Variants in NPHP3 observed in about 807,000 individuals in gnomAD.
NPHP3 encodes the protein nephrocystin-3.
NPHP3 carries 123 observed loss-of-function variants against 171.9 expected under a neutral mutation model. The ratio of observed to expected loss-of-function variants is 0.72; its 90% CI spans 0.62 to 0.83. The LOEUF (loss-of-function observed/expected upper bound fraction) is 0.83, where lower values mean the gene tolerates loss of function less well. Among genes scored for constraint, NPHP3 ranks in the 40% least tolerant of loss-of-function variants. The probability of loss-of-function intolerance (pLI) is 0.00; values close to 1 mark genes in which losing one functional copy is unlikely to be tolerated. For synonymous variants in NPHP3, 558 were observed against 579.2 expected, an observed-to-expected ratio of 0.96 and a Z score of 0.52; for missense variants, 1,506 against 1,591.9, an observed-to-expected ratio of 0.95 and a Z score of 0.92.
intron 9 of NPHP3, among the ~76,000 whole-genome samples, chr3:132,702,007 C>A (rs865924920): frequency 3.3e-5 from 5 of 152,090 alleles, no homozygotes; most frequent in Admixed American, 2.0e-4. Context: ...GCCTGGGCGA[C>A]AGAGCAAGAC....
In NPHP3 at chr3:132,704,304, T is replaced by C. The variant is rs763286275; in HGVS notation, c.1418A>G (p.Glu473Gly). 1.9e-6 allele frequency: 3 copies of C among 1,614,090 alleles called. No homozygotes were observed. The highest frequency in any genetic ancestry group is 2.7e-5 in the African/African-American group (2 of 74,936). The change falls in exon 9 of 27, where the codon GAA becomes GGA. Residue 473 changes from glutamate (E) to glycine (G), a missense_variant. This residue lies in a region of NPHP3 where 930 missense variants were observed against 924.9 expected (regional missense o/e 1.01). Transcript: ENST00000337331. ...CAGAACATCACCAAAATCATCTTCT[T>C]CTGGAATGGAATCCTCACTGCCCAA... The part of the protein sequence containing the change: ...KDLGSEDSIP[E>G]EDDFGDVLWD...
intron 23 of NPHP3, 67 bp from the exon 24 acceptor site, chr3:132,684,861 A>T: frequency 6.4e-7 from 1 of 1,559,766 alleles, no homozygotes; most frequent in Non-Finnish European, 8.8e-7. Flanking sequence ...TGACCCCTAA[A>T]TTAAGTGGAG....
intron 4 of NPHP3, 128 bp from the exon 5 acceptor site, chr3:132,715,346 C>A: frequency 1.3e-6 from 1 of 742,608 alleles, no homozygotes; most frequent in Non-Finnish European, 2.4e-6. Flanking sequence ...ACTGCCATAC[C>A]TTCTAGAGTA....
In NPHP3 at chr3:132,704,599, A is replaced by C. The variant is rs73863711; in HGVS notation, c.1351-228T>G. On this transcript the variant is annotated intron_variant, in intron 8 of 26. Transcript: ENST00000337331. Reference sequence around the variant, plus strand: ...ATAGAAATGAATACCTCTTTTTATAAAAATAAAATTAAAGGAATATTTGAA... The same window carrying C: ...ATAGAAATGAATACCTCTTTTTATACAAATAAAATTAAAGGAATATTTGAA... Among the ~76,000 whole-genome samples, 2,612 of 152,334 alleles carry C rather than the reference A, an allele frequency of 0.017. 53 individuals are homozygous for C. Among genetic ancestry groups the C allele is most frequent in the African/African-American group, 0.056 (2,338 of 41,576 alleles).
At chr3:132,705,963 G>A in intron 7 of NPHP3, 149 bp from the exon 8 acceptor site, 1 of 551,318 alleles carries the variant, frequency 1.8e-6, no homozygotes, top group South Asian at 2.3e-5. Context: ...CCTTAGGAGG[G>A]AGATACTATT....
intron 12 of NPHP3, among the ~76,000 whole-genome samples, 156 bp downstream of exon 12, chr3:132,699,761 AT>A (rs1939557512): frequency 6.6e-6 from 1 of 152,036 alleles, no homozygotes; most frequent in Admixed American, 6.6e-5. Flanking sequence ...CATACGATAT[AT>A]TTTTTTAATC....
Position 132,704,391 on chromosome 3 carries a change from A to C in NPHP3, c.1351-20T>G, listed in dbSNP as rs1017782393. 7 of 1,613,988 alleles carry C rather than the reference A, an allele frequency of 4.3e-6. No homozygotes were observed. The highest frequency in any genetic ancestry group is 5.9e-6 in the Non-Finnish European group (7 of 1,179,846). ...TATGTCCTAAACACAAAGAACAACC[A>C]CACAAAAATGAATGAAGAAAATAAA... On this transcript the variant is annotated intron_variant, in intron 8 of 26. Coordinates refer to ENST00000337331, the MANE Select transcript of NPHP3 (RefSeq NM_153240.5).
chr3:132,709,082 T>C (rs1939834558), intron 6 of NPHP3, among the ~76,000 whole-genome samples: 1 of 151,974 alleles, frequency 6.6e-6, no homozygotes, highest in Non-Finnish European at 1.5e-5. Flanking sequence ...ACCCAATATA[T>C]ACTACAGGAA....
Position 132,713,282 on chromosome 3 carries a change from T to C in NPHP3, c.962A>G (p.Tyr321Cys). The stretch of plus-strand genomic sequence containing the variant: ...GCACATTCTCTTAAGTTTAGGTGAA[T>C]AGTCCTAAAAACAAATGAAAACATA... ...QPEMDLFLKDYSPKLKRMCET... is the reference protein window; with the variant it reads ...QPEMDLFLKDCSPKLKRMCET... The change falls in exon 6 of 27, where the codon TAT (tyrosine) becomes TGT (cysteine). Residue 321 changes from tyrosine to cysteine, a missense_variant. Coordinates refer to ENST00000337331, the MANE Select transcript of NPHP3 (RefSeq NM_153240.5). 1.3e-6 allele frequency: 2 copies of C among 1,594,870 alleles called. No homozygotes were observed. The highest frequency in any genetic ancestry group is 1.7e-6 in the Non-Finnish European group (2 of 1,169,634).
intron 6 of NPHP3, among the ~76,000 whole-genome samples, chr3:132,711,099 G>A (rs1939897208): frequency 6.6e-6 from 1 of 152,192 alleles, no homozygotes; most frequent in African/African-American, 2.4e-5. Context: ...TCCCCATGGA[G>A]CTTCCAAGCT....
chr3:132,696,596 A>G lies in NPHP3; in HGVS notation c.2171+135T>C. 3 of 771,692 alleles carry G rather than the reference A, an allele frequency of 3.9e-6. No homozygotes were observed. The South Asian group carries it at 4.2e-5, about 11-fold the overall frequency. 47.8% of individuals were successfully genotyped at this position (771,692 alleles called of 1,614,324 possible). On this transcript the variant is annotated intron_variant, in intron 15 of 26. Transcript: ENST00000337331. ...TGTAAGCCATGTTCTCACAAATGTT[A>G]GTATCACTATTCAAATAAAATCTGA...
intron 7 of NPHP3, among the ~76,000 whole-genome samples, chr3:132,706,222 G>C (rs1224451914): frequency 3.9e-5 from 6 of 152,114 alleles, no homozygotes; most frequent in Admixed American, 2.0e-4. Context: ...AGCCGGGCGT[G>C]GTGGCCGGTG....
chr3:132,716,133 T>C (rs2107999404), intron 4 of NPHP3, among the ~76,000 whole-genome samples: 1 of 152,342 alleles, frequency 6.6e-6, no homozygotes, highest in East Asian at 1.9e-4. Context: ...AAGACAATTC[T>C]TCTTTCAATG....
Position 132,699,981 on chromosome 3 carries a change from T to C in NPHP3, c.1824A>G (p.Glu608=), listed in dbSNP as rs762148127. ...KLLEEFPRWL[E]KLSARHQGSI... The stretch of plus-strand genomic sequence containing the variant: ...TGCCTTGATGACGAGCAGAGAGTTT[T>C]TCCAGCCAACGTGGAAATTCTTCCA... Residue 608 remains glutamate, a synonymous_variant, in exon 12 of 27, where the codon GAA becomes GAG. Coordinates refer to ENST00000337331, the MANE Select transcript of NPHP3 (RefSeq NM_153240.5). 6.2e-7 allele frequency: 1 copy of C among 1,614,056 alleles called. No homozygotes were observed. The highest frequency in any genetic ancestry group is 1.3e-5 in the African/African-American group (1 of 74,924).
intron 13 of NPHP3, among the ~76,000 whole-genome samples, chr3:132,698,984 C>T (rs1469180993): frequency 1.3e-5 from 2 of 152,140 alleles, no homozygotes; most frequent in Non-Finnish European, 2.9e-5. Context: ...CCTCTGCCTC[C>T]CAGGTTCAAG....
chr3:132,716,817 C>T lies in NPHP3; in HGVS notation c.763G>A (p.Gly255Ser), dbSNP rs1056965259. 10 of 1,614,046 alleles carry T rather than the reference C, an allele frequency of 6.2e-6. No homozygotes were observed. Among genetic ancestry groups the T allele is most frequent in the Non-Finnish European group, 8.5e-6 (10 of 1,180,012 alleles). The change falls in exon 4 of 27, where the codon GGC becomes AGC. Residue 255 changes from glycine to serine, a missense_variant. This residue lies in a region of NPHP3 where 930 missense variants were observed against 924.9 expected (regional missense o/e 1.01). Transcript: ENST00000337331. ...ATAGAACTATGGGCAAACTCAGGGC[C>T]TCTGAAGGACTGCTGAAGCTGGATC... is the stretch of plus-strand genomic sequence containing the variant. ...SMIQLQQSFRGPEFAHSSIDV... is the reference protein window; with the variant it reads ...SMIQLQQSFRSPEFAHSSIDV...
chr3:132,698,415 T>C (rs1404330903), intron 13 of NPHP3, among the ~76,000 whole-genome samples: 3 of 151,904 alleles, frequency 2.0e-5, no homozygotes, highest in Non-Finnish European at 2.9e-5. Flanking sequence ...GTAGATGGGA[T>C]TACAAGCACC....
At chr3:132,683,564 A>G (rs1379413821) in intron 24 of NPHP3, 40 bp from the exon 25 acceptor site, 9 of 1,527,148 alleles carry the variant, frequency 5.9e-6, no homozygotes, top group Non-Finnish European at 8.2e-6. Flanking sequence ...ATATAAGGCA[A>G]TAAATACTAT....
intron 5 of NPHP3, among the ~76,000 whole-genome samples, chr3:132,714,487 T>C (rs533213509): frequency 6.6e-6 from 1 of 151,868 alleles, no homozygotes; most frequent in Non-Finnish European, 1.5e-5. Context: ...GTCTTAAACA[T>C]TGTGGAGAAT....
Sources: gnomAD v4.1 joint callset for allele counts (sites outside exome capture counted in the v4.1 genomes callset) on GRCh38, gnomAD v4.1.1 for gene constraint, gnomAD v4.1.1 regional missense constraint, MANE v1.5 for transcripts, NCBI Gene and HGNC (gene_info 2026-07-23, HGNC 2026-07-21) for gene names.